Variants in SMARCC1 observed in about 807,000 individuals in gnomAD.
The protein encoded by SMARCC1 is SWI/SNF complex subunit SMARCC1.
SMARCC1 carries 43 observed loss-of-function variants against 147.4 expected under a neutral mutation model. That is an observed-to-expected ratio of 0.29 (90% CI 0.23 to 0.38). The LOEUF (loss-of-function observed/expected upper bound fraction) is 0.38. Among genes scored for constraint, SMARCC1 ranks in the 10% least tolerant of loss-of-function variants. The pLI, the probability that SMARCC1 is intolerant of heterozygous loss-of-function variation, is 1.00. For synonymous variants in SMARCC1, 495 were observed against 484.4 expected (o/e 1.02, Z -0.29); for missense variants, 1,119 against 1,381.1 (o/e 0.81, Z 3.01).
At chr3:47,669,895 TC>T (rs2033473228) in intron 19 of SMARCC1, among the ~76,000 whole-genome samples, 1 of 152,218 alleles carries the variant, frequency 6.6e-6, no homozygotes, top group Non-Finnish European at 1.5e-5. Flanking sequence ...GGCACCAGGC[TC>T]TTTTAGGAGG....
At chr3:47,637,165 G>A (rs942475428) in intron 22 of SMARCC1, among the ~76,000 whole-genome samples, 3 of 152,050 alleles carry the variant, frequency 2.0e-5, no homozygotes, top group Non-Finnish European at 2.9e-5. Context: ...AAGTAGCTGG[G>A]ACTACAAGTA....
chr3:47,730,397 T>C (rs1285656555), intron 5 of SMARCC1, among the ~76,000 whole-genome samples: 1 of 151,994 alleles, frequency 6.6e-6, no homozygotes, highest in African/African-American at 2.4e-5. Context: ...GGGAGGATCA[T>C]TTGAGCCCAA....
rs1553693293 is a variant in SMARCC1 at position 47,778,212 on chromosome 3, A to AAAAAAAAC, written c.195+3390_195+3391insGTTTTTTT. Among the ~76,000 whole-genome samples, 11 of 121,316 alleles carry AAAAAAAAC rather than the reference A, an allele frequency of 9.1e-5. 1 individual carries two copies. Among genetic ancestry groups the AAAAAAAAC allele is most frequent in the African/African-American group, 1.2e-4 (4 of 32,164 alleles). The allele number at this position is 121,316 out of a possible 152,430, so 79.6% of individuals were successfully genotyped here. A position where few individuals can be genotyped will look rare whatever the true frequency, so the allele number is the denominator to read the frequency against. On this transcript the variant is annotated intron_variant, in intron 1 of 27. Transcript: ENST00000254480. ...TCTCAAAAAAAAAAAACAAAAAACA[A>AAAAAAAAC]AAAACAAAAAAAACACTGACTCCTA...
rs187873702 is a variant in SMARCC1 at position 47,704,358 on chromosome 3, G to A, written c.1040+2051C>T. 3.2e-4 allele frequency among the ~76,000 whole-genome samples: 49 copies of A among 152,244 alleles called. No individual in the cohort carries two copies. In the South Asian group the frequency reaches 9.3e-3, roughly 29 times the overall value. ...GGAGAAATGTAAAATGAGAAAAGGC[G>A]TGGTCATTACAAGGCAAATGTATTC... On this transcript the variant is annotated intron_variant, in intron 10 of 27. Coordinates refer to ENST00000254480, the MANE Select transcript of SMARCC1 (RefSeq NM_003074.4).
chr3:47,744,530 A>G (rs1195340986), intron 3 of SMARCC1, among the ~76,000 whole-genome samples: 1 of 152,156 alleles, frequency 6.6e-6, no homozygotes, highest in African/African-American at 2.4e-5. Flanking sequence ...ATTTATTTGC[A>G]CTTCCCAACC....
In SMARCC1 at chr3:47,728,663, T is replaced by A. The variant is rs982717012; in HGVS notation, c.646+362A>T. On this transcript the variant is annotated intron_variant, in intron 6 of 27. Coordinates refer to ENST00000254480, the MANE Select transcript of SMARCC1 (RefSeq NM_003074.4). Reference sequence around the variant, plus strand: ...GGCTCACACCTGTAAACCCAGCACTTTGGGAGGCCAAGGTGGGCAGATCAC... The same window carrying A: ...GGCTCACACCTGTAAACCCAGCACTATGGGAGGCCAAGGTGGGCAGATCAC... 3.3e-4 allele frequency among the ~76,000 whole-genome samples: 50 copies of A among 152,248 alleles called. 1 individual carries two copies. The highest frequency in any genetic ancestry group is 3.0e-3 in the Admixed American group (46 of 15,282).
chr3:47,632,722 T>C lies in SMARCC1; in HGVS notation c.2646+2468A>G, dbSNP rs185092966. 3.3e-5 allele frequency among the ~76,000 whole-genome samples: 5 copies of C among 152,178 alleles called. No homozygotes were observed. The East Asian group carries it at 7.7e-4, about 23-fold the overall frequency. On this transcript the variant is annotated intron_variant, in intron 24 of 27. Coordinates refer to ENST00000254480, the MANE Select transcript of SMARCC1 (RefSeq NM_003074.4). ...TAAGAAAAGAATGTCCGAAAAAGCT[T>C]AGATAGAGATAAAAGAATCAATTCT...
intron 19 of SMARCC1, chr3:47,663,544 A>G: frequency 4.5e-6 from 5 of 1,110,742 alleles, no homozygotes; most frequent in Non-Finnish European, 6.5e-6. Context: ...CCAGGGGTTC[A>G]AGGCCAGCCT....
chr3:47,604,113 G>A (rs1473403209), intron 26 of SMARCC1: 2 of 456,618 alleles, frequency 4.4e-6, no homozygotes, highest in African/African-American at 4.0e-5. Flanking sequence ...ACAGGTGCCA[G>A]CTTATACCAG....
At chr3:47,589,802 A>G (rs528693010) in intron 27 of SMARCC1, among the ~76,000 whole-genome samples, 1 of 152,294 alleles carries the variant, frequency 6.6e-6, no homozygotes, top group African/African-American at 2.4e-5. Context: ...CCAAGTTTTC[A>G]TTTCTTGTTT....
intron 21 of SMARCC1, among the ~76,000 whole-genome samples, chr3:47,642,386 T>TC (rs1243065229): frequency 6.6e-6 from 1 of 152,110 alleles, no homozygotes; most frequent in Non-Finnish European, 1.5e-5. Context: ...GGTAAGGAGT[T>TC]CGAGGCCAGC....
intron 11 of SMARCC1, among the ~76,000 whole-genome samples, chr3:47,697,741 C>T (rs181556933): frequency 1.3e-5 from 2 of 151,886 alleles, no homozygotes; most frequent in African/African-American, 4.8e-5. Flanking sequence ...GGCACAGTGG[C>T]TCACGCCTGT....
chr3:47,676,622 A>G lies in SMARCC1; in HGVS notation c.1725+7T>C, dbSNP rs1363099217. 1 of 1,612,156 alleles carries G rather than the reference A, an allele frequency of 6.2e-7. No homozygotes were observed. Among genetic ancestry groups the G allele is most frequent in the East Asian group, 2.2e-5 (1 of 44,874 alleles). On this transcript the variant is annotated splice_region_variant and intron_variant, in intron 17 of 27. Transcript: ENST00000254480. ...CCAGGTCTGATGAAAAGTCAACATTAATTTACCTGAGGTGATCGAAGATGC... is the reference window on the plus strand; with the variant it reads ...CCAGGTCTGATGAAAAGTCAACATTGATTTACCTGAGGTGATCGAAGATGC...
intron 21 of SMARCC1, among the ~76,000 whole-genome samples, chr3:47,649,963 C>A (rs1349854535): frequency 3.9e-5 from 6 of 152,152 alleles, no homozygotes; most frequent in Non-Finnish European, 7.3e-5. Context: ...AAAGAATCAT[C>A]GAATGTCTTC....
chr3:47,610,441 C>T lies in SMARCC1; in HGVS notation c.2782-114G>A. Reference sequence around the variant, plus strand: ...TACCTCTATCCCATCACACTGACATCACCACCTCACTTCCTGCACCTTCTA... The same window carrying T: ...TACCTCTATCCCATCACACTGACATTACCACCTCACTTCCTGCACCTTCTA... On this transcript the variant is annotated intron_variant, in intron 25 of 27. Coordinates refer to ENST00000254480, the MANE Select transcript of SMARCC1 (RefSeq NM_003074.4). The T allele has an allele frequency of 7.6e-6, 8 of 1,051,900 alleles. No homozygotes were observed. In the South Asian group the frequency reaches 9.7e-5, roughly 13 times the overall value. The allele number at this position is 1,051,900 out of a possible 1,614,324, so 65.2% of individuals were successfully genotyped here.
rs557925935 is a variant in SMARCC1, at chr3:47,718,550, A to G, written c.716+2116T>C. Among the ~76,000 whole-genome samples the G allele has an allele frequency of 5.3e-5, 8 of 152,268 alleles. No individual in the cohort carries two copies. In the South Asian group the frequency reaches 1.7e-3, roughly 32 times the overall value. On this transcript the variant is annotated intron_variant, in intron 7 of 27. Transcript: ENST00000254480. ...GAGAAGACGAGAAGTAGATAGAAGAAGAGGTTAAAAAAAAGTGGGGGGTAG... is the reference window on the plus strand; with the variant it reads ...GAGAAGACGAGAAGTAGATAGAAGAGGAGGTTAAAAAAAAGTGGGGGGTAG...
intron 26 of SMARCC1, among the ~76,000 whole-genome samples, chr3:47,602,803 C>G (rs1460557241): frequency 6.6e-6 from 1 of 152,220 alleles, no homozygotes; most frequent in Admixed American, 6.5e-5. Flanking sequence ...GTGCAGGCAG[C>G]TGACTTAAGA....
Position 47,708,083 on chromosome 3 carries a change from C to CTTTTTTTCTTTTTTTTT in SMARCC1, c.919-1554_919-1553insAAAAAAAAAGAAAAAAA, listed in dbSNP as rs1559650534. ...GTAAATCTGAAGTTGAATTTTTTTT[C>CTTTTTTTCTTTTTTTTT]TTTTTTTTTTTTTTTTTTTTTTTTT... On this transcript the variant is annotated intron_variant, in intron 9 of 27. Coordinates refer to ENST00000254480, the MANE Select transcript of SMARCC1 (RefSeq NM_003074.4). 1.4e-3 allele frequency among the ~76,000 whole-genome samples: 91 copies of CTTTTTTTCTTTTTTTTT among 64,276 alleles called. 3 individuals are homozygous for CTTTTTTTCTTTTTTTTT. The highest frequency in any genetic ancestry group is 1.5e-3 in the Non-Finnish European group (56 of 37,130). The allele number at this position is 64,276 out of a possible 152,430, so 42.2% of individuals were successfully genotyped here. A position where few individuals can be genotyped will look rare whatever the true frequency, so the allele number is the denominator to read the frequency against.
chr3:47,650,293 ATAATAATTATTAT>A (rs1185829784), intron 21 of SMARCC1, among the ~76,000 whole-genome samples: 1 of 142,048 alleles, frequency 7.0e-6, no homozygotes, highest in African/African-American at 2.5e-5. Flanking sequence ...AATAATAATA[ATAATAATTATTAT>A]TATTATTATT....
Sources: gnomAD v4.1 joint callset for allele counts (sites outside exome capture counted in the v4.1 genomes callset) on GRCh38, gnomAD v4.1.1 for gene constraint, MANE v1.5 for transcripts, NCBI Gene and HGNC (gene_info 2026-07-23, HGNC 2026-07-21) for gene names.